Variants in MYO16 observed in about 807,000 individuals in gnomAD.
MYO16 encodes myosin XVI.
Under a neutral mutation model 205.3 loss-of-function variants are expected in MYO16, and 94 were observed. That is an observed-to-expected ratio of 0.46 (90% CI 0.39 to 0.54). The LOEUF is 0.54. Ranked by LOEUF, MYO16 falls within the 20% of genes least tolerant of loss-of-function variation. MYO16 has a pLI of 0.00. For synonymous variants in MYO16, 988 were observed against 954.0 expected (o/e 1.04, Z -0.66); for missense variants, 2,315 against 2,387.5 (o/e 0.97, Z 0.63).
At chr13:109,099,729 A>T (rs1174118358) in intron 27 of MYO16, among the ~76,000 whole-genome samples, 1 of 152,158 alleles carries the variant, frequency 6.6e-6, no homozygotes, top group Non-Finnish European at 1.5e-5. Flanking sequence ...CACACGTGTG[A>T]TTCCCATGTG....
intron 12 of MYO16, among the ~76,000 whole-genome samples, chr13:108,879,596 G>T (rs570681107): frequency 2.0e-5 from 3 of 152,238 alleles, no homozygotes; most frequent in African/African-American, 7.2e-5. Context: ...CCACCTATGA[G>T]TGAGAACATG....
intron 9 of MYO16, among the ~76,000 whole-genome samples, chr13:108,838,893 G>A (rs1243220906): frequency 6.6e-6 from 1 of 151,986 alleles, no homozygotes; most frequent in East Asian, 1.9e-4. Flanking sequence ...ACAGCAGACA[G>A]GCATTGTCCC....
chr13:109,096,958 C>T (rs1171390865), intron 27 of MYO16, among the ~76,000 whole-genome samples: 1 of 152,214 alleles, frequency 6.6e-6, no homozygotes, highest in African/African-American at 2.4e-5. Flanking sequence ...CCCATTTGAA[C>T]ACATTGTACA....
intron 32 of MYO16, 51 bp from the exon 33 acceptor site, chr13:109,164,850 A>G: frequency 9.3e-7 from 1 of 1,075,000 alleles, no homozygotes; most frequent in Non-Finnish European, 1.3e-6. Context: ...TATTCAGTAT[A>G]TTCAGTACAT....
chr13:108,781,478 T>A (rs1259516766), intron 4 of MYO16, among the ~76,000 whole-genome samples: 1 of 152,198 alleles, frequency 6.6e-6, no homozygotes, highest in Non-Finnish European at 1.5e-5. Context: ...CTCAGCTGCT[T>A]GGTCCAGCCA....
the MYO16 span, among the ~76,000 whole-genome samples, chr13:108,510,319 G>A: frequency 7.3e-5 from 11 of 151,514 alleles, no homozygotes; most frequent in South Asian, 4.2e-4. Flanking sequence ...GGGTTTCACC[G>A]TGTTAGGCAG....
At chr13:109,197,911 C>T (rs1435971374) in intron 34 of MYO16, among the ~76,000 whole-genome samples, 4 of 152,152 alleles carry the variant, frequency 2.6e-5, no homozygotes, top group Admixed American at 2.6e-4. Context: ...CTGTTGGAAA[C>T]GTGCGCTGAC....
chr13:109,032,839 GA>G (rs1218781001), intron 23 of MYO16, among the ~76,000 whole-genome samples: 1 of 152,120 alleles, frequency 6.6e-6, no homozygotes, highest in Non-Finnish European at 1.5e-5. Context: ...TTCAATATCA[GA>G]AATATATTGA....
At chr13:108,519,795 A>C in the MYO16 span, among the ~76,000 whole-genome samples, 3 of 152,148 alleles carry the variant, frequency 2.0e-5, no homozygotes, top group Non-Finnish European at 4.4e-5. Flanking sequence ...TGTACCCGGG[A>C]ATGAATCCTT....
intron 2 of MYO16, 112 bp downstream of exon 2, chr13:108,666,261 T>G (rs1351207308): frequency 2.5e-6 from 3 of 1,204,358 alleles, no homozygotes; most frequent in Non-Finnish European, 3.4e-6. Flanking sequence ...CTTTTAAATA[T>G]TGGAGGCTAC....
chr13:108,576,250 T>TG, the MYO16 span, among the ~76,000 whole-genome samples: 3 of 152,198 alleles, frequency 2.0e-5, no homozygotes, highest in African/African-American at 7.2e-5. Flanking sequence ...GAATGAATCC[T>TG]GGCTCCTAGA....
chr13:109,061,730 T>A (rs934508045), intron 27 of MYO16, among the ~76,000 whole-genome samples: 2 of 152,162 alleles, frequency 1.3e-5, no homozygotes, highest in East Asian at 3.9e-4. Context: ...ATGACAGGCA[T>A]TACCCAATGC....
chr13:109,140,879 G>A lies in MYO16; in HGVS notation c.4667G>A (p.Gly1556Glu), dbSNP rs372022540. ...CTCAAGTACCCCGTGCAGCCGGAGG[G>A]GTCGAGCCCGCTGTCCCCGCAGTAC... ...TNLKYPVQPE[G>E]SSPLSPQYSK... The change falls in exon 32 of 35, where the codon GGG becomes GAG. Residue 1556 changes from glycine to glutamate, a missense_variant. Around this residue, in one of 3 missense-constraint regions of MYO16, gnomAD observed 1,097 missense variants for 1,092.0 expected, o/e 1.00. Coordinates refer to ENST00000457511, the MANE Select transcript of MYO16 (RefSeq NM_001198950.3). The surrounding 1 kb of genome is among the most constrained non-coding windows in gnomAD (Gnocchi z 8.0). 2.3e-4 allele frequency: 362 copies of A among 1,595,092 alleles called. No individual in the cohort carries two copies. The highest frequency in any genetic ancestry group is 3.0e-4 in the Non-Finnish European group (355 of 1,172,540).
chr13:108,682,555 G>C (rs1488266084), intron 2 of MYO16, among the ~76,000 whole-genome samples: 1 of 152,008 alleles, frequency 6.6e-6, no homozygotes, highest in Non-Finnish European at 1.5e-5. Flanking sequence ...ATAGATAAAT[G>C]CTATAGATTA....
chr13:108,642,296 G>T (rs1450685575), intron 1 of MYO16, among the ~76,000 whole-genome samples: 1 of 152,186 alleles, frequency 6.6e-6, no homozygotes, highest in Non-Finnish European at 1.5e-5. Context: ...CGTATTTTTT[G>T]ACTGAACCCC....
At chr13:108,853,433 A>C (rs1214668949) in intron 10 of MYO16, among the ~76,000 whole-genome samples, 1 of 152,290 alleles carries the variant, frequency 6.6e-6, no homozygotes, top group East Asian at 1.9e-4. Context: ...AATTTTAGGA[A>C]AACTATATTA....
At chr13:108,570,931 C>T in the MYO16 span, among the ~76,000 whole-genome samples, 2 of 152,018 alleles carry the variant, frequency 1.3e-5, no homozygotes, top group African/African-American at 4.8e-5. Context: ...CTATTAGGCA[C>T]TTACTGAAAA....
chr13:108,601,959 C>G (rs1878779118), intron 1 of MYO16, among the ~76,000 whole-genome samples: 1 of 151,904 alleles, frequency 6.6e-6, no homozygotes, highest in South Asian at 2.1e-4. Context: ...GAACCGAAAT[C>G]CCCAGTGTGG....
the MYO16 span, among the ~76,000 whole-genome samples, chr13:108,564,146 A>G: frequency 1.3e-5 from 2 of 151,492 alleles, no homozygotes; most frequent in South Asian, 4.2e-4. Flanking sequence ...TTCTTTTCAG[A>G]AATGTTTATT....
Sources: gnomAD v4.1 joint callset for allele counts (sites outside exome capture counted in the v4.1 genomes callset) on GRCh38, gnomAD v4.1.1 for gene constraint, gnomAD v4.1.1 regional missense constraint, Gnocchi (gnomAD v3.1) non-coding constraint, MANE v1.5 for transcripts, NCBI Gene and HGNC (gene_info 2026-07-23, HGNC 2026-07-21) for gene names.